PRMT3: variants seen among roughly 807,000 people sequenced by gnomAD.
PRMT3 encodes the protein protein arginine N-methyltransferase 3.
A neutral mutation model predicts 71.9 loss-of-function variants in PRMT3; 62 were observed. That is an observed-to-expected ratio of 0.86 (90% CI 0.70 to 1.07). The LOEUF is 1.07. Among genes scored for constraint, PRMT3 ranks in the 50% least tolerant of loss-of-function variants. The pLI is 0.00. For synonymous variants in PRMT3, 213 were observed against 220.4 expected, an observed-to-expected ratio of 0.97 and a Z score of 0.30; for missense variants, 663 against 643.0, an observed-to-expected ratio of 1.03 and a Z score of -0.34.
rs538829184 is a variant in PRMT3, at chr11:20,495,075, C to T, written c.1486+821C>T. 3.9e-5 allele frequency among the ~76,000 whole-genome samples: 6 copies of T among 152,074 alleles called. No individual in the cohort carries two copies. In the South Asian group the frequency reaches 1.2e-3, roughly 32 times the overall value. On this transcript the variant is annotated intron_variant, in intron 15 of 15. Coordinates refer to ENST00000331079, the MANE Select transcript of PRMT3 (RefSeq NM_005788.4). ...CGGAGTTCCACTCTTGTTGCCCAGA[C>T]TGGAGTGCAGTGGCACCATCTCAGC...
intron 9 of PRMT3, among the ~76,000 whole-genome samples, chr11:20,423,866 T>G: frequency 1.0e-5 from 1 of 96,634 alleles, no homozygotes. Flanking sequence ...AGAGTGAGAT[T>G]CTCTCTTAAA....
chr11:20,474,635 C>T (rs963871003), intron 13 of PRMT3, among the ~76,000 whole-genome samples: 5 of 152,192 alleles, frequency 3.3e-5, no homozygotes, highest in Admixed American at 2.6e-4. Context: ...GTGTGGTTTC[C>T]TGGGCAGGAT....
At chr11:20,478,827 T>G (rs566036697) in intron 13 of PRMT3, among the ~76,000 whole-genome samples, 1 of 152,340 alleles carries the variant, frequency 6.6e-6, no homozygotes, top group South Asian at 2.1e-4. Flanking sequence ...TTATAATGCT[T>G]CTGGAAAATC....
chr11:20,453,752 G>T (rs1850206231), intron 11 of PRMT3, among the ~76,000 whole-genome samples: 1 of 151,862 alleles, frequency 6.6e-6, no homozygotes, highest in Non-Finnish European at 1.5e-5. Flanking sequence ...GACTACTCCA[G>T]GTTGAATATC....
Position 20,494,175 on chromosome 11 carries a change from C to G in PRMT3, c.1407C>G (p.Phe469Leu). Residue 469 changes from phenylalanine to leucine, a missense_variant, in exon 15 of 16, where the codon TTC becomes TTG. Physicochemically the swap from Phe to Leu is conservative, Grantham distance 22. Coordinates refer to ENST00000331079, the MANE Select transcript of PRMT3 (RefSeq NM_005788.4). ...GAACTTTACCAATTCAGGTCGTGTT[C>G]TCTACGGGCCCTCAGAGCACCAAAA... ...FEKNCHNRVV[F>L]STGPQSTKTH... 1 of 1,606,894 alleles carries G rather than the reference C, an allele frequency of 6.2e-7. No homozygotes were observed. The highest frequency in any genetic ancestry group is 8.5e-7 in the Non-Finnish European group (1 of 1,173,694).
At chr11:20,390,906 C>T (rs1045238363) in intron 3 of PRMT3, among the ~76,000 whole-genome samples, 1 of 152,072 alleles carries the variant, frequency 6.6e-6, no homozygotes, top group African/African-American at 2.4e-5. Flanking sequence ...AAAAATTAGT[C>T]GGGCATGGTG....
At chr11:20,407,705 A>G (rs988622149) in intron 8 of PRMT3, 4 of 410,076 alleles carry the variant, frequency 9.8e-6, no homozygotes, top group African/African-American at 8.1e-5. Context: ...CGTAATGGAA[A>G]GAGCCGGGCA....
At chr11:20,466,312 C>A (rs1428216246) in intron 13 of PRMT3, among the ~76,000 whole-genome samples, 6 of 152,128 alleles carry the variant, frequency 3.9e-5, no homozygotes, top group Non-Finnish European at 8.8e-5. Flanking sequence ...TTTGAACTGG[C>A]CTGCTACAGA....
intron 15 of PRMT3, among the ~76,000 whole-genome samples, chr11:20,500,312 C>T (rs1851427970): frequency 6.6e-6 from 1 of 152,156 alleles, no homozygotes; most frequent in Non-Finnish European, 1.5e-5. Context: ...AATACTGTTA[C>T]AGTGTTACTT....
At chr11:20,423,506 A>G (rs540397312) in intron 9 of PRMT3, among the ~76,000 whole-genome samples, 1 of 152,266 alleles carries the variant, frequency 6.6e-6, no homozygotes, top group Admixed American at 6.5e-5. Flanking sequence ...AATAGTTGCA[A>G]CAGAGATCAT....
At chr11:20,434,599 C>T (rs1250419273) in intron 10 of PRMT3, among the ~76,000 whole-genome samples, 4 of 152,132 alleles carry the variant, frequency 2.6e-5, no homozygotes, top group African/African-American at 9.7e-5. Context: ...TATCCCAGCA[C>T]CATTTAGTGA....
At chr11:20,398,426 G>T (rs1050043139) in intron 7 of PRMT3, among the ~76,000 whole-genome samples, 2 of 152,084 alleles carry the variant, frequency 1.3e-5, no homozygotes, top group African/African-American at 4.8e-5. Flanking sequence ...TGGTGTGATG[G>T]TGCTTCCATG....
chr11:20,452,236 T>C (rs758018501), intron 11 of PRMT3, 28 bp downstream of exon 11: 7 of 1,534,604 alleles, frequency 4.6e-6, no homozygotes, highest in Non-Finnish European at 6.3e-6. Flanking sequence ...GTTTTAATAA[T>C]CTAATTTTAG....
At chr11:20,488,298 ATGTT>A (rs1344378158) in intron 13 of PRMT3, among the ~76,000 whole-genome samples, 1 of 152,098 alleles carries the variant, frequency 6.6e-6, no homozygotes. Context: ...CGTATAGCTT[ATGTT>A]TGTATTTTCA....
chr11:20,484,194 G>A (rs1340791914), intron 13 of PRMT3, among the ~76,000 whole-genome samples: 1 of 152,196 alleles, frequency 6.6e-6, no homozygotes, highest in Non-Finnish European at 1.5e-5. Context: ...TGGTAAGACT[G>A]CCCTTAAAGG....
intron 7 of PRMT3, among the ~76,000 whole-genome samples, 189 bp downstream of exon 7, chr11:20,397,910 A>G (rs967117057): frequency 6.6e-6 from 1 of 151,422 alleles, no homozygotes; most frequent in African/African-American, 2.4e-5. Context: ...ACGGTGGCAC[A>G]TGCCTGTAAT....
intron 14 of PRMT3, 83 bp downstream of exon 14, chr11:20,494,052 A>G (rs1294794879): frequency 3.4e-6 from 5 of 1,454,910 alleles, no homozygotes; most frequent in African/African-American, 1.4e-5. Context: ...GTGTTTAATC[A>G]TAAGCATTTT....
chr11:20,472,997 T>C (rs565657757), intron 13 of PRMT3, among the ~76,000 whole-genome samples: 5 of 152,260 alleles, frequency 3.3e-5, no homozygotes, highest in Middle Eastern at 3.4e-3. Context: ...GTCCAGGAAT[T>C]TATCCATTTC....
At chr11:20,413,327 C>CAGAATA (rs1294080082) in intron 9 of PRMT3, among the ~76,000 whole-genome samples, 1 of 152,138 alleles carries the variant, frequency 6.6e-6, no homozygotes, top group East Asian at 1.9e-4. Context: ...AGTTTACTGA[C>CAGAATA]TCATTATTCT....
Sources: allele counts gnomAD v4.1 joint callset (sites outside exome capture counted in the v4.1 genomes callset), GRCh38; gene constraint gnomAD v4.1.1; transcripts MANE v1.5; gene names NCBI Gene and HGNC (gene_info 2026-07-23, HGNC 2026-07-21).